Variants in DYRK1A observed in about 807,000 individuals in gnomAD.
The protein encoded by DYRK1A is dual specificity tyrosine-phosphorylation-regulated kinase 1A.
DYRK1A carries 9 observed loss-of-function variants against 79.7 expected under a neutral mutation model. The ratio of observed to expected loss-of-function variants is 0.11; its 90% CI spans 0.07 to 0.20. DYRK1A has a LOEUF of 0.20. Among genes scored for constraint, DYRK1A ranks in the 10% least tolerant of loss-of-function variants. The pLI, the probability that DYRK1A is intolerant of heterozygous loss-of-function variation, is 1.00. For synonymous variants in DYRK1A, 349 were observed against 329.7 expected (o/e 1.06, Z -0.63); for missense variants, 622 against 956.0 (o/e 0.65, Z 4.61).
In DYRK1A at chr21:37,515,177, C is replaced by T. The variant is rs913132462; in HGVS notation, c.*2646C>T. On this transcript the variant is annotated 3_prime_UTR_variant, in exon 12 of 12. Transcript: ENST00000647188. ...GATAAACAGTTGAATAATTTGTCCT[C>T]AGACTCTTTACTATGCTTTTTTAAA... 1.3e-5 allele frequency: 2 copies of T among 152,634 alleles called. No individual in the cohort carries two copies. The highest frequency in any genetic ancestry group is 4.8e-5 in the African/African-American group (2 of 41,446). 9.5% of individuals were successfully genotyped at this position (152,634 alleles called of 1,614,324 possible).
At chr21:37,464,154 A>T (rs2051945458) in intron 2 of DYRK1A, 1 of 274,420 alleles carries the variant, frequency 3.6e-6, no homozygotes, top group South Asian at 3.3e-5. Context: ...TTTTAAACTT[A>T]GGGTCTTTTC....
At chr21:37,485,971 T>C (rs1417817403) in intron 5 of DYRK1A, among the ~76,000 whole-genome samples, 1 of 152,198 alleles carries the variant, frequency 6.6e-6, no homozygotes, top group Non-Finnish European at 1.5e-5. Context: ...CTTAGGTTTT[T>C]ATGTATGAAA....
chr21:37,376,115 A>G (rs1358149557), intron 1 of DYRK1A, among the ~76,000 whole-genome samples: 1 of 152,172 alleles, frequency 6.6e-6, no homozygotes, highest in Admixed American at 6.5e-5. Flanking sequence ...ACAGCTGCTT[A>G]GTGCAGGTGT....
intron 1 of DYRK1A, among the ~76,000 whole-genome samples, chr21:37,389,117 A>G (rs956093489): frequency 6.8e-6 from 1 of 146,844 alleles, no homozygotes; most frequent in Admixed American, 6.8e-5. Context: ...GGCTCAAGTG[A>G]TCCTTCTACC....
intron 1 of DYRK1A, among the ~76,000 whole-genome samples, chr21:37,397,144 A>G (rs2049972128): frequency 6.6e-6 from 1 of 152,164 alleles, no homozygotes; most frequent in Non-Finnish European, 1.5e-5. Context: ...ACTTAGCCAC[A>G]TGGCCATACC....
chr21:37,472,613 A>G (rs756356211), intron 2 of DYRK1A, 71 bp from the exon 3 acceptor site: 62 of 1,310,928 alleles, frequency 4.7e-5, no homozygotes, highest in African/African-American at 3.0e-4. Context: ...TTAAGGAACC[A>G]TTAGATATGT....
chr21:37,462,409 C>A lies in DYRK1A; in HGVS notation c.11-10275C>A, dbSNP rs1406260589. 2.6e-5 allele frequency among the ~76,000 whole-genome samples: 4 copies of A among 152,130 alleles called. No homozygotes were observed. In the East Asian group the frequency reaches 7.7e-4, roughly 29 times the overall value. On this transcript the variant is annotated intron_variant, in intron 2 of 11. Transcript: ENST00000647188. ...GCCTTTACTGTAGGGCTGGATTAGCCCTAGCCCTAAATGTGGATTTTCTGG... is the reference window on the plus strand; with the variant it reads ...GCCTTTACTGTAGGGCTGGATTAGCACTAGCCCTAAATGTGGATTTTCTGG...
chr21:37,382,470 A>G (rs750274248), intron 1 of DYRK1A, among the ~76,000 whole-genome samples: 4 of 152,000 alleles, frequency 2.6e-5, no homozygotes, highest in African/African-American at 7.3e-5. Context: ...AATTTCTTGA[A>G]CTTAGTTTTG....
chr21:37,482,468 G>A (rs1601237654), intron 5 of DYRK1A, among the ~76,000 whole-genome samples: 1 of 152,138 alleles, frequency 6.6e-6, no homozygotes, highest in Non-Finnish European at 1.5e-5. Flanking sequence ...GGGAGTATAC[G>A]AATAAGGTGT....
chr21:37,385,521 A>G (rs2049742813), intron 1 of DYRK1A, among the ~76,000 whole-genome samples: 1 of 129,870 alleles, frequency 7.7e-6, no homozygotes, highest in East Asian at 1.9e-4. Context: ...CAAGAGGTGT[A>G]CATCTTAACG....
chr21:37,421,400 G>A (rs62222275), intron 2 of DYRK1A, among the ~76,000 whole-genome samples: 16,798 of 151,978 alleles, frequency 0.11, 1,292 homozygotes, highest in Non-Finnish European at 0.16. Context: ...GTACTATTTT[G>A]TATGAAGAAA....
At chr21:37,399,334 G>A (rs1569292483) in intron 1 of DYRK1A, among the ~76,000 whole-genome samples, 1 of 152,134 alleles carries the variant, frequency 6.6e-6, no homozygotes, top group Non-Finnish European at 1.5e-5. Context: ...TTTGACAAGA[G>A]TGTGATTGCT....
At chr21:37,457,204 T>G (rs1428058555) in intron 2 of DYRK1A, among the ~76,000 whole-genome samples, 1 of 152,054 alleles carries the variant, frequency 6.6e-6, no homozygotes, top group Non-Finnish European at 1.5e-5. Context: ...TAGCTGGGAC[T>G]ACAAATGCAT....
At chr21:37,480,972 A>T (rs1011447575) in intron 5 of DYRK1A, 146 bp downstream of exon 5, 4 of 636,316 alleles carry the variant, frequency 6.3e-6, no homozygotes, top group African/African-American at 5.6e-5. Flanking sequence ...GATGACCATA[A>T]TTCTTTAAAG....
intron 1 of DYRK1A, among the ~76,000 whole-genome samples, chr21:37,414,109 C>G (rs1377009545): frequency 6.6e-6 from 1 of 152,020 alleles, no homozygotes; most frequent in Non-Finnish European, 1.5e-5. Context: ...GAGATTCCAA[C>G]ACCAAATTTT....
In DYRK1A at chr21:37,505,351, G is replaced by A. The variant is rs1243416626; in HGVS notation, c.1281G>A (p.Gly427=). The part of the protein sequence containing the change: ...ILGVETGGPG[G]RRAGESGHTV... ...GAGTGGAAACAGGAGGACCTGGTGG[G>A]CGACGTGCTGGGGAGTCAGGTCATA... Residue 427 remains glycine (G), a synonymous_variant, in exon 10 of 12, where the codon GGG becomes GGA. Coordinates refer to ENST00000647188, the MANE Select transcript of DYRK1A (RefSeq NM_001347721.2). 1.2e-6 allele frequency: 2 copies of A among 1,614,078 alleles called. No individual in the cohort carries two copies. The highest frequency in any genetic ancestry group is 3.3e-5 in the Admixed American group (2 of 60,010).
intron 11 of DYRK1A, 56 bp from the exon 12 acceptor site, chr21:37,511,855 G>T (rs1443866794): frequency 1.3e-6 from 2 of 1,563,694 alleles, no homozygotes; most frequent in Admixed American, 1.8e-5. Context: ...TTTGATGGAA[G>T]ATTAAAGCTT....
At chr21:37,444,111 C>T (rs1307238342) in intron 2 of DYRK1A, among the ~76,000 whole-genome samples, 5 of 152,164 alleles carry the variant, frequency 3.3e-5, no homozygotes, top group Non-Finnish European at 7.3e-5. Flanking sequence ...TAAAAGCCAC[C>T]TGCTGATGAG....
At chr21:37,467,241 T>G (rs1258497675) in intron 2 of DYRK1A, among the ~76,000 whole-genome samples, 1 of 152,192 alleles carries the variant, frequency 6.6e-6, no homozygotes, top group Non-Finnish European at 1.5e-5. Flanking sequence ...TGGAAAATCT[T>G]TTTTTGTTTG....
Sources: allele counts gnomAD v4.1 joint callset (sites outside exome capture counted in the v4.1 genomes callset), GRCh38; gene constraint gnomAD v4.1.1; transcripts MANE v1.5; gene names NCBI Gene and HGNC (gene_info 2026-07-23, HGNC 2026-07-21).